Variants in IFNAR1 observed in about 807,000 individuals in gnomAD.
The protein encoded by IFNAR1 is interferon alpha and beta receptor subunit 1.
In IFNAR1, 47 loss-of-function variants were observed where a neutral mutation model predicts 62.1. The ratio of observed to expected loss-of-function variants is 0.76; its 90% confidence interval spans 0.60 to 0.97. IFNAR1 has a LOEUF of 0.97. IFNAR1 is among the 50% of genes least tolerant of loss of function. The pLI, the probability that IFNAR1 is intolerant of heterozygous loss-of-function variation, is 0.00. For missense variants in IFNAR1, 638 were observed against 654.5 expected, an observed-to-expected ratio of 0.97 and a Z score of 0.27; for synonymous variants, 219 against 226.9, an observed-to-expected ratio of 0.97 and a Z score of 0.31.
intron 1 of IFNAR1, among the ~76,000 whole-genome samples, chr21:33,328,832 A>G (rs1167028005): frequency 1.3e-5 from 2 of 152,136 alleles, no homozygotes; most frequent in Non-Finnish European, 1.5e-5. Flanking sequence ...CATTATATAT[A>G]TATTAGATTA....
chr21:33,343,678 T>A lies in IFNAR1; in HGVS notation c.673+2T>A. 1.9e-6 allele frequency: 3 copies of A among 1,572,238 alleles called. No homozygotes were observed. Among genetic ancestry groups the A allele is most frequent in the Non-Finnish European group, 2.6e-6 (3 of 1,162,382 alleles). On this transcript the variant is annotated splice_donor_variant, in intron 5 of 10. Transcript: ENST00000270139. LOFTEE classifies it high-confidence loss of function. ...CAGTACATTGTATAAAGACCACAGG[T>A]AAGGAAGATGTTTTGTTTTAGATTC...
At chr21:33,347,305 G>C (rs1283390311) in intron 6 of IFNAR1, among the ~76,000 whole-genome samples, 3 of 151,906 alleles carry the variant, frequency 2.0e-5, no homozygotes, top group African/African-American at 4.8e-5. Context: ...AATTTTTGTA[G>C]TTTTAGTAGA....
At chr21:33,336,637 G>A (rs559407430) in intron 2 of IFNAR1, among the ~76,000 whole-genome samples, 70 of 152,230 alleles carry the variant, frequency 4.6e-4, no homozygotes, top group African/African-American at 1.7e-3. Context: ...TGAAGATATG[G>A]CATTGTACTC....
intron 10 of IFNAR1, among the ~76,000 whole-genome samples, chr21:33,354,200 G>A (rs958901092): frequency 9.2e-5 from 14 of 152,006 alleles, no homozygotes; most frequent in Admixed American, 9.2e-4. Flanking sequence ...AAATTAGCCG[G>A]GCGTGGTGGC....
At chr21:33,329,096 C>A (rs1351632828) in intron 1 of IFNAR1, among the ~76,000 whole-genome samples, 1 of 152,144 alleles carries the variant, frequency 6.6e-6, no homozygotes, top group African/African-American at 2.4e-5. Context: ...TGCCAACATG[C>A]CTGTAACTTC....
In IFNAR1 at chr21:33,353,762, A is replaced by C; in HGVS notation, c.1419A>C (p.Lys473Asn). The change falls in exon 10 of 11, where the codon AAA becomes AAC. Residue 473 changes from lysine to asparagine, a missense_variant. By Grantham distance (94) the Lys-to-Asn change is moderately conservative. Transcript: ENST00000270139. ...CINYVFFPSLKPSSSIDEYFS... is the reference protein window; with the variant it reads ...CINYVFFPSLNPSSSIDEYFS... ...ATTATGTCTTCTTTCCATCACTTAA[A>C]CCTTCTTCCAGTATAGATGAGGTAT... is the stretch of plus-strand genomic sequence containing the variant. 6.3e-7 allele frequency: 1 copy of C among 1,583,008 alleles called. No homozygotes were observed.
rs541693400 is a variant in IFNAR1 at position 33,356,385 on chromosome 21, T to C, written c.*836T>C. The C allele has an allele frequency of 1.1e-4, 16 of 152,212 alleles. No homozygotes were observed. Among genetic ancestry groups the C allele is most frequent in the Non-Finnish European group, 2.2e-4 (15 of 68,040 alleles). 9.4% of individuals were successfully genotyped at this position (152,212 alleles called of 1,614,324 possible). ...AAAGTCTGAACACGTTATCACTTGG[T>C]TTTCTGGAAAGTAGCTTACCCTAGA... On this transcript the variant is annotated 3_prime_UTR_variant, in exon 11 of 11. Coordinates refer to ENST00000270139, the MANE Select transcript of IFNAR1 (RefSeq NM_000629.3).
intron 1 of IFNAR1, among the ~76,000 whole-genome samples, chr21:33,331,722 C>T (rs1356841035): frequency 6.6e-6 from 1 of 152,170 alleles, no homozygotes; most frequent in Non-Finnish European, 1.5e-5. Context: ...AGAGTCATGA[C>T]TTCATGGTGC....
intron 6 of IFNAR1, among the ~76,000 whole-genome samples, chr21:33,347,929 T>C (rs933703474): frequency 6.6e-6 from 1 of 152,236 alleles, no homozygotes; most frequent in African/African-American, 2.4e-5. Flanking sequence ...AACCTCAGGC[T>C]GTCCTGTAGG....
Position 33,351,547 on chromosome 21 carries a change from AT to A in IFNAR1, c.1144-1207del, listed in dbSNP as rs1246623789. On this transcript the variant is annotated intron_variant, in intron 8 of 10. Transcript: ENST00000270139. ...TATCTATATTTTTTTATTTTATTTT[AT>A]TTTATTTTTTTTTTTTTTGAGACAG... Among the ~76,000 whole-genome samples, 182 of 136,008 alleles carry A rather than the reference AT, an allele frequency of 1.3e-3. 1 individual carries two copies. Among genetic ancestry groups the A allele is most frequent in the African/African-American group, 5.3e-3 (162 of 30,420 alleles). 89.2% of individuals were successfully genotyped at this position (136,008 alleles called of 152,430 possible).
chr21:33,343,214 G>C (rs530076063), intron 3 of IFNAR1, 54 bp from the exon 4 acceptor site: 1 of 1,488,008 alleles, frequency 6.7e-7, no homozygotes, highest in Admixed American at 1.7e-5. Flanking sequence ...TTGAATGAAG[G>C]TTTTGGCATT....
At chr21:33,353,846 T>G in intron 10 of IFNAR1, 63 bp downstream of exon 10, 1 of 1,105,058 alleles carries the variant, frequency 9.0e-7, no homozygotes, top group Admixed American at 2.4e-5. Context: ...GTGTTTGATT[T>G]CAACAGGATA....
Position 33,335,667 on chromosome 21 carries a change from G to C in IFNAR1, c.200+20G>C. 6.7e-7 allele frequency: 1 copy of C among 1,500,832 alleles called. No individual in the cohort carries two copies. Among genetic ancestry groups the C allele is most frequent in the Non-Finnish European group, 8.9e-7 (1 of 1,119,390 alleles). The allele number at this position is 1,500,832 out of a possible 1,614,324, so 93.0% of individuals were successfully genotyped here. ...TCAAAAGTATGTGACTCTACTTACT[G>C]ATTTGTCAGAATGACCTGAATAATT... is the stretch of plus-strand genomic sequence containing the variant. On this transcript the variant is annotated intron_variant, in intron 2 of 10. Transcript: ENST00000270139.
intron 1 of IFNAR1, among the ~76,000 whole-genome samples, chr21:33,329,062 T>G (rs964889095): frequency 2.0e-5 from 3 of 152,172 alleles, no homozygotes; most frequent in African/African-American, 7.2e-5. Flanking sequence ...CATTTATCAG[T>G]CAGTTATTTG....
chr21:33,329,124 G>A (rs2083154145), intron 1 of IFNAR1, among the ~76,000 whole-genome samples: 1 of 152,018 alleles, frequency 6.6e-6, no homozygotes, highest in Admixed American at 6.5e-5. Context: ...CCTTCTTTTA[G>A]CAGTAAAGGA....
chr21:33,339,695 G>A (rs1312589605), intron 2 of IFNAR1, among the ~76,000 whole-genome samples: 1 of 152,016 alleles, frequency 6.6e-6, no homozygotes, highest in Non-Finnish European at 1.5e-5. Flanking sequence ...GCTGAGGTGG[G>A]CAGATCACCT....
At chr21:33,353,535 T>G in intron 9 of IFNAR1, 103 bp from the exon 10 acceptor site, 1 of 625,910 alleles carries the variant, frequency 1.6e-6, no homozygotes, top group Non-Finnish European at 2.7e-6. Context: ...ATTTAATAGA[T>G]TTTATATTTC....
At chr21:33,344,760 T>TTTTA (rs1568930667) in intron 5 of IFNAR1, among the ~76,000 whole-genome samples, 9 of 91,898 alleles carry the variant, frequency 9.8e-5, no homozygotes, top group African/African-American at 2.6e-4. Flanking sequence ...ATTCTTTCTT[T>TTTTA]TTTACTTATT....
rs1267550977 is a variant in IFNAR1, at chr21:33,324,979, TAGGAC to T, written c.-76_-72del. 2 of 1,360,220 alleles carry T rather than the reference TAGGAC, an allele frequency of 1.5e-6. No individual in the cohort carries two copies. Among genetic ancestry groups the T allele is most frequent in the East Asian group, 2.5e-5 (1 of 39,920 alleles). 84.3% of individuals were successfully genotyped at this position (1,360,220 alleles called of 1,614,324 possible). On this transcript the variant is annotated 5_prime_UTR_variant, in exon 1 of 11. Transcript: ENST00000270139. ...GCGTGTGCAGAGGGGCGGTGTGACT[TAGGAC>T]GGGGCGATGGCGGCTGAGAGGAGCT... is the stretch of plus-strand genomic sequence containing the variant.
Sources: allele counts gnomAD v4.1 joint callset (sites outside exome capture counted in the v4.1 genomes callset), GRCh38; gene constraint gnomAD v4.1.1; transcripts MANE v1.5; gene names NCBI Gene and HGNC (gene_info 2026-07-23, HGNC 2026-07-21).